Variants in SPTLC3 observed in about 807,000 individuals in gnomAD.
SPTLC3 encodes serine palmitoyltransferase long chain base subunit 3.
In SPTLC3, 36 loss-of-function variants were observed where a neutral mutation model predicts 59.3. The ratio of observed to expected loss-of-function variants is 0.61; its 90% CI spans 0.47 to 0.80. The LOEUF (loss-of-function observed/expected upper bound fraction) is 0.80. SPTLC3 is among the 30% of genes least tolerant of loss of function. The pLI is 0.00. For synonymous variants in SPTLC3, 257 were observed against 240.8 expected (o/e 1.07, Z -0.62); for missense variants, 625 against 685.1 (o/e 0.91, Z 0.98).
chr20:13,160,144 A>G lies in SPTLC3; in HGVS notation c.1545+12A>G. On this transcript the variant is annotated intron_variant, in intron 11 of 11. Coordinates refer to ENST00000399002, the MANE Select transcript of SPTLC3 (RefSeq NM_018327.4). ...AGATGTTAGACACGGTGAGTACACC[A>G]CAGGCCAACGGGATCTCAGTACCAG... The G allele has an allele frequency of 1.2e-6, 2 of 1,612,554 alleles. No homozygotes were observed. The highest frequency in any genetic ancestry group is 1.7e-6 in the Non-Finnish European group (2 of 1,178,976).
At chr20:13,163,021 AT>A (rs781647321) in intron 11 of SPTLC3, among the ~76,000 whole-genome samples, 13 of 152,186 alleles carry the variant, frequency 8.5e-5, no homozygotes, top group Non-Finnish European at 1.6e-4. Context: ...ATACCAATAT[AT>A]TACGTACATT....
At position 13,160,037 on chromosome 20, in the gene SPTLC3, G is replaced by A; in HGVS notation, c.1450G>A (p.Gly484Arg). The change falls in exon 11 of 12, where the codon GGA (glycine) becomes AGA (arginine). Residue 484 changes from glycine (G) to arginine (R), a missense_variant. Transcript: ENST00000399002. ...FARHMLEKKI[G>R]VVVVGFPATP... The stretch of plus-strand genomic sequence containing the variant: ...AAGGCATATGCTAGAGAAAAAAATT[G>A]GAGTGGTGGTCGTGGGATTTCCAGC... 1 of 1,611,398 alleles carries A rather than the reference G, an allele frequency of 6.2e-7. No individual in the cohort carries two copies. Among genetic ancestry groups the A allele is most frequent in the Non-Finnish European group, 8.5e-7 (1 of 1,179,480 alleles).
intron 10 of SPTLC3, among the ~76,000 whole-genome samples, chr20:13,154,852 G>A (rs2038730494): frequency 6.6e-6 from 1 of 152,192 alleles, no homozygotes; most frequent in Non-Finnish European, 1.5e-5. Flanking sequence ...ACCTGCTGGA[G>A]ACTAATGTAA....
intron 2 of SPTLC3, among the ~76,000 whole-genome samples, chr20:13,066,836 G>A (rs188077825): frequency 2.6e-5 from 4 of 151,104 alleles, no homozygotes; most frequent in Admixed American, 2.6e-4. Flanking sequence ...TTAGAGAGAT[G>A]TTTGTTCTTC....
intron 1 of SPTLC3, among the ~76,000 whole-genome samples, chr20:13,024,125 G>A (rs1009292622): frequency 3.9e-5 from 6 of 152,182 alleles, no homozygotes; most frequent in African/African-American, 1.4e-4. Context: ...ACAACCACGT[G>A]AGGTTGATAC....
At chr20:13,072,595 C>A (rs913357770) in intron 3 of SPTLC3, among the ~76,000 whole-genome samples, 185 bp downstream of exon 3, 1 of 152,150 alleles carries the variant, frequency 6.6e-6, no homozygotes, top group East Asian at 1.9e-4. Flanking sequence ...AAGCAGCTGC[C>A]AGAGTGGCTT....
intron 2 of SPTLC3, among the ~76,000 whole-genome samples, chr20:13,059,713 G>A (rs1987873837): frequency 6.6e-6 from 1 of 152,090 alleles, no homozygotes; most frequent in Non-Finnish European, 1.5e-5. Flanking sequence ...TCTGTCTCCG[G>A]TACTGCCTCC....
At chr20:13,142,275 T>G (rs1171084217) in intron 9 of SPTLC3, among the ~76,000 whole-genome samples, 3 of 152,198 alleles carry the variant, frequency 2.0e-5, no homozygotes. Flanking sequence ...AAACAAGATA[T>G]CCTTTTACAT....
At chr20:13,146,718 T>A (rs373204720) in intron 9 of SPTLC3, among the ~76,000 whole-genome samples, 5 of 152,278 alleles carry the variant, frequency 3.3e-5, no homozygotes, top group East Asian at 1.9e-4. Context: ...TGTCAGAAAT[T>A]TTTCATCTTC....
intron 7 of SPTLC3, among the ~76,000 whole-genome samples, chr20:13,115,090 G>A (rs1990459058): frequency 6.6e-6 from 1 of 152,132 alleles, no homozygotes; most frequent in Non-Finnish European, 1.5e-5. Flanking sequence ...TTCCATTCAG[G>A]AAGAAAGAAT....
Position 13,147,743 on chromosome 20 carries a change from T to A in SPTLC3, c.1280-6260T>A, listed in dbSNP as rs2038548602. Among the ~76,000 whole-genome samples the A allele has an allele frequency of 2.0e-5, 3 of 152,216 alleles. No individual in the cohort carries two copies. In the South Asian group the frequency reaches 6.2e-4, roughly 32 times the overall value. ...GACAAGGACCTCATTTTCCAAGCAA[T>A]GCTGCCTAGGAGCATGTATGAGGTC... is the stretch of plus-strand genomic sequence containing the variant. On this transcript the variant is annotated intron_variant, in intron 9 of 11. Transcript: ENST00000399002.
intron 4 of SPTLC3, among the ~76,000 whole-genome samples, chr20:13,080,284 C>T (rs867616742): frequency 6.6e-6 from 1 of 151,902 alleles, no homozygotes; most frequent in Middle Eastern, 3.2e-3. Context: ...CCTAGGCAGG[C>T]GGATCACGAG....
chr20:13,105,050 A>G (rs1027342521), intron 6 of SPTLC3, among the ~76,000 whole-genome samples: 1 of 152,166 alleles, frequency 6.6e-6, no homozygotes, highest in African/African-American at 2.4e-5. Flanking sequence ...GCTTGCTGAA[A>G]CGGTAGAATC....
chr20:13,041,703 T>G (rs1036212797), intron 1 of SPTLC3, among the ~76,000 whole-genome samples: 1 of 152,184 alleles, frequency 6.6e-6, no homozygotes. Context: ...TTAAATAAAT[T>G]GTACAACTCT....
Position 13,164,913 on chromosome 20 carries a change from T to C in SPTLC3, c.*46T>C, listed in dbSNP as rs147569987. On this transcript the variant is annotated 3_prime_UTR_variant, in exon 12 of 12. Transcript: ENST00000399002. ...ACATAAAGACTTTGCGAGAAAGACC[T>C]CCCTCCTTGCCTCACAAGGAATATA... 4.8e-5 allele frequency: 71 copies of C among 1,484,874 alleles called. No homozygotes were observed. In the African/African-American group the frequency reaches 8.9e-4, roughly 19 times the overall value. The allele number at this position is 1,484,874 out of a possible 1,614,324, so 92.0% of individuals were successfully genotyped here.
intron 1 of SPTLC3, among the ~76,000 whole-genome samples, chr20:13,021,474 G>A (rs1985877611): frequency 6.6e-6 from 1 of 151,852 alleles, no homozygotes; most frequent in Non-Finnish European, 1.5e-5. Context: ...CTTCCTCTCA[G>A]TCTTATCTAT....
intron 5 of SPTLC3, among the ~76,000 whole-genome samples, chr20:13,091,526 T>C (rs1179901738): frequency 6.7e-6 from 1 of 150,118 alleles, no homozygotes; most frequent in African/African-American, 2.5e-5. Flanking sequence ...TGAGCCGAGA[T>C]CGGGCCACTG....
chr20:13,074,351 T>G lies in SPTLC3; in HGVS notation c.461T>G (p.Phe154Cys). 6.2e-7 allele frequency: 1 copy of G among 1,613,690 alleles called. No individual in the cohort carries two copies. The highest frequency in any genetic ancestry group is 8.5e-7 in the Non-Finnish European group (1 of 1,179,806). The part of the protein sequence containing the change: ...VSDDYNWTFR[F>C]TGRVIKDVIN... ...CTCATTTACATGTTTCCCCACAGGT[T>G]TACTGGAAGAGTCATCAAAGATGTC... is the stretch of plus-strand genomic sequence containing the variant. The change falls in exon 4 of 12, where the codon TTT becomes TGT. Residue 154 changes from phenylalanine to cysteine, a missense_variant and splice_region_variant. Coordinates refer to ENST00000399002, the MANE Select transcript of SPTLC3 (RefSeq NM_018327.4).
intron 7 of SPTLC3, among the ~76,000 whole-genome samples, chr20:13,115,332 A>C (rs537853004): frequency 2.6e-5 from 4 of 152,160 alleles, no homozygotes; most frequent in African/African-American, 9.7e-5. Flanking sequence ...CATTAACTCC[A>C]AAAGTCAGCA....
Sources: gnomAD v4.1 joint callset for allele counts (sites outside exome capture counted in the v4.1 genomes callset) on GRCh38, gnomAD v4.1.1 for gene constraint, MANE v1.5 for transcripts, NCBI Gene and HGNC (gene_info 2026-07-23, HGNC 2026-07-21) for gene names.